TAF6: variants seen among roughly 807,000 people sequenced by gnomAD.
TAF6 encodes TATA-box binding protein associated factor 6.
Under a neutral mutation model 73.5 loss-of-function variants are expected in TAF6, and 50 were observed. The ratio of observed to expected loss-of-function variants is 0.68; its 90% confidence interval spans 0.54 to 0.86. The LOEUF is 0.86. Ranked by LOEUF, TAF6 falls within the 40% of genes least tolerant of loss-of-function variation. The pLI, the probability that TAF6 is intolerant of heterozygous loss-of-function variation, is 0.00. For synonymous variants in TAF6, 424 were observed against 376.7 expected, an observed-to-expected ratio of 1.13 and a Z score of -1.45; for missense variants, 768 against 899.5, an observed-to-expected ratio of 0.85 and a Z score of 1.87.
At chr7:100,113,794 G>C in intron 3 of TAF6, 25 bp from the exon 4 acceptor site, 1 of 1,613,646 alleles carries the variant, frequency 6.2e-7, no homozygotes, top group Non-Finnish European at 8.5e-7. Context: ...AGGGGCATGG[G>C]TAAGAAGGGA....
At chr7:100,126,393 C>T in the TAF6 span, among the ~76,000 whole-genome samples, 2 of 152,154 alleles carry the variant, frequency 1.3e-5, no homozygotes, top group Non-Finnish European at 1.5e-5. Context: ...ATTCCCAGCA[C>T]TCCAGGAGGC....
chr7:100,122,788 A>T, upstream of TAF6: 1 of 1,613,404 alleles, frequency 6.2e-7, no homozygotes, highest in East Asian at 2.2e-5. Flanking sequence ...TCTCAGGGTC[A>T]GAGTCAGACC....
chr7:100,112,653 T>G, intron 6 of TAF6, 145 bp downstream of exon 6: 1 of 1,185,272 alleles, frequency 8.4e-7, no homozygotes, highest in East Asian at 2.9e-5. Context: ...AGGTGGAGGT[T>G]GCAGTGAGCT....
rs1415998506 is a variant in TAF6 at position 100,112,960 on chromosome 7, T to C, written c.455-43A>G. The C allele has an allele frequency of 2.0e-6, 3 of 1,506,912 alleles. No homozygotes were observed. The African/African-American group carries it at 5.1e-5, about 25-fold the overall frequency. The allele number at this position is 1,506,912 out of a possible 1,614,324, so 93.3% of individuals were successfully genotyped here. A position where few individuals can be genotyped will look rare whatever the true frequency, so the allele number is the denominator to read the frequency against. On this transcript the variant is annotated intron_variant, in intron 5 of 14. Transcript: ENST00000453269. The stretch of plus-strand genomic sequence containing the variant: ...ACAGCGGGAGGGGTGATGAGCATAG[T>C]AGAAAAGTAAAAGGTGGGAGGAGGC...
At chr7:100,119,564 A>G (rs1465928868), upstream of TAF6, 4 of 1,424,502 alleles carry the variant, frequency 2.8e-6, no homozygotes, top group Non-Finnish European at 3.7e-6. Flanking sequence ...AGGCGCCACA[A>G]AACGGAGGCA....
At position 100,110,059 on chromosome 7, in the gene TAF6, C is replaced by T. The variant is rs4134920; in HGVS notation, c.1173G>A (p.Leu391=). ...AELGHDVIKT[L]ILPRLQQEGE... is the part of the protein sequence containing the mutation. ...CTTCCTGCTGCAGCCGGGGCAGAATCAGAGTCTTGATAACCTGTTAGAAGG... is the reference window on the plus strand; with the variant it reads ...CTTCCTGCTGCAGCCGGGGCAGAATTAGAGTCTTGATAACCTGTTAGAAGG... The change falls in exon 12 of 15, where the codon CTG becomes CTA. Residue 391 remains leucine (L), a synonymous_variant. Transcript: ENST00000453269. 5.8e-3 allele frequency: 9,302 copies of T among 1,614,002 alleles called. 500 individuals are homozygous for T. The African/African-American group carries it at 0.11, about 19-fold the overall frequency.
At chr7:100,108,167 G>A in intron 13 of TAF6, 44 bp from the exon 14 acceptor site, 20 of 1,550,802 alleles carry the variant, frequency 1.3e-5, no homozygotes, top group Non-Finnish European at 1.7e-5. Flanking sequence ...CATCTACTAA[G>A]AAGAGGAGTC....
At chr7:100,125,576 C>G in the TAF6 span, 1 of 152,202 alleles carries the variant, frequency 6.6e-6, no homozygotes, top group Non-Finnish European at 1.5e-5. Flanking sequence ...AGGCAGCACC[C>G]AGAATGGCCG....
upstream of TAF6, chr7:100,119,646 G>A (rs771272113): frequency 1.9e-6 from 3 of 1,609,568 alleles, no homozygotes; most frequent in South Asian, 2.2e-5. Flanking sequence ...TCCTCGGCTG[G>A]ATTTAAGGTT....
rs372872362 is a variant in TAF6 at position 100,113,931 on chromosome 7, C to A, written c.180G>T (p.Met60Ile). The A allele has an allele frequency of 6.2e-7, 1 of 1,614,176 alleles. No homozygotes were observed. The highest frequency in any genetic ancestry group is 8.5e-7 in the Non-Finnish European group (1 of 1,180,036). The change falls in exon 3 of 15, where the codon ATG (methionine) becomes ATT (isoleucine). Residue 60 changes from methionine (M) to isoleucine (I), a missense_variant. Met to Ile is a conservative substitution (Grantham distance 10). Transcript: ENST00000453269. ...TGGTGGTGAGCTTCTGCCGCTTCCCCATGTGCATGAACTTCAAGGCATCCT... is the reference window on the plus strand; with the variant it reads ...TGGTGGTGAGCTTCTGCCGCTTCCCAATGTGCATGAACTTCAAGGCATCCT... ...IAQDALKFMHMGKRQKLTTSD... is the reference protein window; with the variant it reads ...IAQDALKFMHIGKRQKLTTSD...
rs761206417 is a variant in TAF6, at chr7:100,114,250, CG to C, written c.-42del. 1 of 1,613,624 alleles carries C rather than the reference CG, an allele frequency of 6.2e-7. No individual in the cohort carries two copies. The stretch of plus-strand genomic sequence containing the variant: ...CTCCTCCCTGGAAGGATGAAGCCCC[CG>C]GTGGAGAGACGGAGACCCTGGCAGA... On this transcript the variant is annotated 5_prime_UTR_variant, in exon 2 of 15. Transcript: ENST00000453269.
the TAF6 span, chr7:100,125,024 A>C: frequency 9.8e-7 from 1 of 1,018,820 alleles, no homozygotes; most frequent in Non-Finnish European, 1.4e-6. Context: ...CTCCCATCTA[A>C]CCTCAGGCAA....
At chr7:100,121,112 ATATATTTTTTTTTTTTTTTTTTT>A (rs1302080069), upstream of TAF6, 1 of 30,718 alleles carries the variant, frequency 3.3e-5, no homozygotes, top group Non-Finnish European at 5.8e-5. Context: ...ATATATATAT[ATATATTTTTTTTTTTTTTTTTTT>A]TTTTTTTTTT....
intron 13 of TAF6, 51 bp downstream of exon 13, chr7:100,108,315 CA>C (rs1796779323): frequency 6.5e-7 from 1 of 1,549,378 alleles, no homozygotes; most frequent in African/African-American, 1.4e-5. Context: ...CTGTCCCACA[CA>C]GGGGTTCTCC....
chr7:100,120,082 GA>G (rs946545974), upstream of TAF6: 1 of 450,814 alleles, frequency 2.2e-6, no homozygotes, highest in Non-Finnish European at 3.9e-6. Flanking sequence ...GGCTGGCTTG[GA>G]ACCCCCCGCC....
In TAF6 at chr7:100,113,553, A is replaced by T. The variant is rs1329213609; in HGVS notation, c.397+63T>A. On this transcript the variant is annotated intron_variant, in intron 4 of 14. Coordinates refer to ENST00000453269, the MANE Select transcript of TAF6 (RefSeq NM_139315.3). ...CTTTTCTTCTATTGTGAGGCTCCTC[A>T]CACCTACACACATCTGTCCTCCTTT... The T allele has an allele frequency of 1.9e-6, 3 of 1,578,652 alleles. No homozygotes were observed. The African/African-American group carries it at 4.1e-5, about 21-fold the overall frequency.
upstream of TAF6, chr7:100,124,390 G>A: frequency 4.3e-6 from 3 of 698,800 alleles, no homozygotes; most frequent in South Asian, 1.7e-5. Context: ...ACATCTAGTA[G>A]GCCAAACTTA....
At position 100,112,892 on chromosome 7, in the gene TAF6, T is replaced by G. The variant is rs756182758; in HGVS notation, c.480A>C (p.Glu160Asp). The G allele has an allele frequency of 6.2e-7, 1 of 1,613,392 alleles. No individual in the cohort carries two copies. The highest frequency in any genetic ancestry group is 1.1e-5 in the South Asian group (1 of 91,062). The change falls in exon 6 of 15, where the codon GAA becomes GAC. Residue 160 changes from glutamate (E) to aspartate (D), a missense_variant. By Grantham distance (45) the Glu-to-Asp change is conservative (BLOSUM62 2). This residue lies in a region of TAF6 where 269 missense variants were observed against 268.0 expected (regional missense o/e 1.00). Coordinates refer to ENST00000453269, the MANE Select transcript of TAF6 (RefSeq NM_139315.3). The part of the protein sequence containing the change: ...PPAPKEQQKA[E>D]ATEPLKSAKP... ...TGGCTGACTTCAGGGGTTCTGTGGCTTCAGCCTTCTGTTGCTCTTTGGGAG... is the reference window on the plus strand; with the variant it reads ...TGGCTGACTTCAGGGGTTCTGTGGCGTCAGCCTTCTGTTGCTCTTTGGGAG...
chr7:100,122,257 A>G, upstream of TAF6: 1 of 1,594,300 alleles, frequency 6.3e-7, no homozygotes, highest in Non-Finnish European at 8.6e-7. Flanking sequence ...CCTCCCCACC[A>G]GTGTGTAAGC....
Sources: allele counts gnomAD v4.1 joint callset (sites outside exome capture counted in the v4.1 genomes callset), GRCh38; gene constraint gnomAD v4.1.1; regional missense constraint gnomAD v4.1.1; transcripts MANE v1.5; gene names NCBI Gene and HGNC (gene_info 2026-07-23, HGNC 2026-07-21).